PCDHGA4: variants seen among roughly 807,000 people sequenced by gnomAD.
PCDHGA4 encodes the protein protocadherin gamma-A4.
PCDHGA4 carries 38 observed loss-of-function variants against 54.6 expected under a neutral mutation model. The ratio of observed to expected loss-of-function variants is 0.70; its 90% CI spans 0.54 to 0.91. The LOEUF is 0.91. Ranked by LOEUF, PCDHGA4 falls within the 40% of genes least tolerant of loss-of-function variation. PCDHGA4 has a pLI of 0.00. For synonymous variants in PCDHGA4, 511 were observed against 512.9 expected, an observed-to-expected ratio of 1.00 and a Z score of 0.05; for missense variants, 1,298 against 1,220.9, an observed-to-expected ratio of 1.06 and a Z score of -0.94.
chr5:141,377,011 C>T (rs911303450), intron 1 of PCDHGA4: 6 of 155,270 alleles, frequency 3.9e-5, no homozygotes, highest in Non-Finnish European at 5.7e-5. Context: ...TATTGGTTGA[C>T]AGGAAAATTC....
chr5:141,501,343 C>T (rs1202291965), intron 2 of PCDHGA4, among the ~76,000 whole-genome samples: 1 of 150,430 alleles, frequency 6.6e-6, no homozygotes, highest in Non-Finnish European at 1.5e-5. Context: ...ACCCCAAACT[C>T]AATAGGGCAA....
intron 1 of PCDHGA4, among the ~76,000 whole-genome samples, chr5:141,358,789 G>A (rs1467414282): frequency 1.3e-5 from 2 of 152,156 alleles, no homozygotes; most frequent in Non-Finnish European, 2.9e-5. Flanking sequence ...AGTTACTTGG[G>A]TTCTGGACTG....
At chr5:141,481,035 G>C (rs1342607604) in intron 1 of PCDHGA4, among the ~76,000 whole-genome samples, 1 of 152,094 alleles carries the variant, frequency 6.6e-6, no homozygotes, top group Non-Finnish European at 1.5e-5. Flanking sequence ...TCCAGCCTGG[G>C]CGACAGAGCG....
At position 141,476,565 on chromosome 5, in the gene PCDHGA4, C is replaced by A; in HGVS notation, c.2515-18242C>A. 1 of 1,614,184 alleles carries A rather than the reference C, an allele frequency of 6.2e-7. No homozygotes were observed. ...TTGGAGATTAGCGAGGCCGTGGCTC[C>A]GGGGACGCGCTTTCCGCTCGAGAGC... On this transcript the variant is annotated intron_variant, in intron 1 of 3. Coordinates refer to ENST00000571252, the MANE Select transcript of PCDHGA4 (RefSeq NM_018917.4). The surrounding 1 kb of genome is among the most constrained non-coding windows in gnomAD (Gnocchi z 7.6).
chr5:141,371,111 C>T (rs748436182), intron 1 of PCDHGA4: 1 of 1,613,898 alleles, frequency 6.2e-7, no homozygotes, highest in African/African-American at 1.3e-5. Flanking sequence ...ATGATAACCC[C>T]CCAGTATTTA....
chr5:141,387,606 T>C, intron 1 of PCDHGA4: 1 of 549,218 alleles, frequency 1.8e-6, no homozygotes, highest in Non-Finnish European at 3.2e-6. Context: ...GCAGAGGCTG[T>C]AGTTTCCTAG....
At chr5:141,423,508 A>G (rs962526072) in intron 1 of PCDHGA4, 2 of 1,613,860 alleles carry the variant, frequency 1.2e-6, no homozygotes, top group African/African-American at 2.7e-5. Context: ...GGTCTCTCTC[A>G]TTGCGGACTC....
chr5:141,448,966 A>G (rs981772425), intron 1 of PCDHGA4, among the ~76,000 whole-genome samples: 5 of 152,118 alleles, frequency 3.3e-5, no homozygotes, highest in Non-Finnish European at 7.4e-5. Context: ...CAAACAAACA[A>G]AAAAGAACTT....
intron 1 of PCDHGA4, among the ~76,000 whole-genome samples, chr5:141,463,049 T>C (rs529642816): frequency 3.9e-4 from 60 of 152,326 alleles, no homozygotes; most frequent in African/African-American, 1.3e-3. Context: ...CAGCAGGGTC[T>C]CTTTATTATG....
chr5:141,419,274 C>T lies in PCDHGA4; in HGVS notation c.2514+61653C>T, dbSNP rs755798236. 17 of 1,613,900 alleles carry T rather than the reference C, an allele frequency of 1.1e-5. No homozygotes were observed. Among genetic ancestry groups the T allele is most frequent in the African/African-American group, 1.3e-5 (1 of 74,948 alleles). ...AACAACCAGCCGGGTGCCTCCATAG[C>T]GCAAGTCAGTGCCTCTGACCCAGAC... is the stretch of plus-strand genomic sequence containing the variant. On this transcript the variant is annotated intron_variant, in intron 1 of 3. Transcript: ENST00000571252.
chr5:141,447,428 G>C (rs542079336), intron 1 of PCDHGA4, among the ~76,000 whole-genome samples: 1 of 152,184 alleles, frequency 6.6e-6, no homozygotes, highest in African/African-American at 2.4e-5. Flanking sequence ...GTGAGCCACC[G>C]CACCCGGAGG....
intron 1 of PCDHGA4, chr5:141,371,871 G>A (rs1298727306): frequency 1.9e-6 from 3 of 1,613,400 alleles, no homozygotes; most frequent in African/African-American, 2.7e-5. Flanking sequence ...CTACATCGTG[G>A]CCAGTGACCT....
intron 1 of PCDHGA4, chr5:141,407,965 G>A (rs2095011875): frequency 4.4e-6 from 3 of 688,096 alleles, no homozygotes; most frequent in Non-Finnish European, 6.9e-6. Flanking sequence ...CAGAGCAAGC[G>A]CTGACGCCGG....
At chr5:141,399,834 G>A (rs375768001) in intron 1 of PCDHGA4, 3 of 1,613,004 alleles carry the variant, frequency 1.9e-6, no homozygotes, top group African/African-American at 2.7e-5. Flanking sequence ...ACGGCTCTGC[G>A]CTCTTCGATA....
intron 3 of PCDHGA4, among the ~76,000 whole-genome samples, chr5:141,506,598 G>A (rs1056005258): frequency 6.6e-6 from 1 of 152,130 alleles, no homozygotes; most frequent in Non-Finnish European, 1.5e-5. Context: ...CAGTATTAAC[G>A]GATCTCATTG....
At position 141,357,338 on chromosome 5, in the gene PCDHGA4, C is replaced by T. The variant is rs749392491; in HGVS notation, c.2231C>T (p.Ala744Val). The stretch of plus-strand genomic sequence containing the variant: ...CTGGCTTTTGTCACGGTGCTGCTAG[C>T]ACTCAAGCTGAGACGCTGGCACAAG... Reference protein sequence around the residue: ...VFLAFVTVLLALKLRRWHKSR... With the variant: ...VFLAFVTVLLVLKLRRWHKSR... Residue 744 changes from alanine to valine, a missense_variant, in exon 1 of 4, where the codon GCA (alanine) becomes GTA (valine). Transcript: ENST00000571252. 1 of 1,614,128 alleles carries T rather than the reference C, an allele frequency of 6.2e-7. No individual in the cohort carries two copies. Among genetic ancestry groups the T allele is most frequent in the Non-Finnish European group, 8.5e-7 (1 of 1,179,956 alleles).
intron 1 of PCDHGA4, chr5:141,365,839 C>T (rs1212060265): frequency 1.9e-6 from 3 of 1,613,840 alleles, no homozygotes; most frequent in Non-Finnish European, 2.5e-6. Context: ...CCTTGTCCTC[C>T]TATGTATCCA....
intron 1 of PCDHGA4, chr5:141,408,979 C>A (rs1331121466): frequency 6.2e-7 from 1 of 1,613,862 alleles, no homozygotes; most frequent in East Asian, 2.2e-5. Flanking sequence ...CCCCTGGGTC[C>A]CCTGTGTTGC....
At chr5:141,457,631 G>C (rs540600166) in intron 1 of PCDHGA4, among the ~76,000 whole-genome samples, 1 of 152,282 alleles carries the variant, frequency 6.6e-6, no homozygotes, top group African/African-American at 2.4e-5. Flanking sequence ...TCTTATACTT[G>C]GCCTGATTAT....
Sources: gnomAD v4.1 joint callset for allele counts (sites outside exome capture counted in the v4.1 genomes callset) on GRCh38, gnomAD v4.1.1 for gene constraint, Gnocchi (gnomAD v3.1) non-coding constraint, MANE v1.5 for transcripts, NCBI Gene and HGNC (gene_info 2026-07-23, HGNC 2026-07-21) for gene names.